The following MED29 variants were observed in gnomAD, a reference collection of about 807,000 sequenced individuals.
The protein encoded by MED29 is mediator complex subunit 29.
Under a neutral mutation model 22.0 loss-of-function variants are expected in MED29, and 14 were observed. That is an observed-to-expected ratio of 0.64 (90% CI 0.42 to 0.99). The LOEUF (loss-of-function observed/expected upper bound fraction) is 0.99, where lower values mean the gene tolerates loss of function less well. MED29 is among the 50% of genes least tolerant of loss of function. MED29 has a pLI of 0.00. For missense variants in MED29, 241 were observed against 253.7 expected, an observed-to-expected ratio of 0.95 and a Z score of 0.34; for synonymous variants, 123 against 107.8, an observed-to-expected ratio of 1.14 and a Z score of -0.87.
chr19:39,393,079 T>TTA (rs2078406406), intron 2 of MED29, among the ~76,000 whole-genome samples: 1 of 77,542 alleles, frequency 1.3e-5, no homozygotes, highest in South Asian at 4.4e-4. Flanking sequence ...TTTCTTTCTT[T>TTA]TCTTTTTTTT....
Position 39,400,524 on chromosome 19 carries a change from T to A in MED29, c.*2825T>A, listed in dbSNP as rs975192579. ...TGTAACATCTGCATATGGAGAATCG[T>A]GTTACTTTATTGAAAAACATTAAAA... On this transcript the variant is annotated 3_prime_UTR_variant, in exon 4 of 4. Transcript: ENST00000315588. 3.3e-5 allele frequency: 5 copies of A among 152,224 alleles called. No homozygotes were observed. The highest frequency in any genetic ancestry group is 9.6e-5 in the African/African-American group (4 of 41,452). 9.4% of individuals were successfully genotyped at this position (152,224 alleles called of 1,614,324 possible). A position where few individuals can be genotyped will look rare whatever the true frequency, so the allele number is the denominator to read the frequency against.
At chr19:39,392,331 G>A (rs2078390816) in intron 1 of MED29, 133 bp from the exon 2 acceptor site, 2 of 755,724 alleles carry the variant, frequency 2.6e-6, no homozygotes, top group African/African-American at 3.5e-5. Flanking sequence ...TATTACTTTG[G>A]AAAGTCAGGA....
In MED29 at chr19:39,398,564, C is replaced by T. The variant is rs2078443492; in HGVS notation, c.*865C>T. 1 of 152,702 alleles carries T rather than the reference C, an allele frequency of 6.5e-6. No homozygotes were observed. The allele number at this position is 152,702 out of a possible 1,614,324, so 9.5% of individuals were successfully genotyped here. A position where few individuals can be genotyped will look rare whatever the true frequency, so the allele number is the denominator to read the frequency against. ...GCCCCAGCCGGGGTGAATCATCAGTCCTGGGGAAGAACCCAGGCGCCTGAG... is the reference window on the plus strand; with the variant it reads ...GCCCCAGCCGGGGTGAATCATCAGTTCTGGGGAAGAACCCAGGCGCCTGAG... On this transcript the variant is annotated 3_prime_UTR_variant, in exon 4 of 4. Transcript: ENST00000315588.
intron 3 of MED29, 79 bp downstream of exon 3, chr19:39,393,716 C>A: frequency 8.1e-7 from 1 of 1,229,450 alleles, no homozygotes; most frequent in Non-Finnish European, 1.2e-6. Context: ...AGTCAGTCAA[C>A]TCACACTCAA....
rs1448904044 is a variant in MED29, at chr19:39,399,100, C to A, written c.*1401C>A. 2 of 152,340 alleles carry A rather than the reference C, an allele frequency of 1.3e-5. No individual in the cohort carries two copies. The highest frequency in any genetic ancestry group is 3.9e-4 in the East Asian group (2 of 5,192). The allele number at this position is 152,340 out of a possible 1,614,324, so 9.4% of individuals were successfully genotyped here. A position where few individuals can be genotyped will look rare whatever the true frequency, so the allele number is the denominator to read the frequency against. On this transcript the variant is annotated 3_prime_UTR_variant, in exon 4 of 4. Coordinates refer to ENST00000315588, the MANE Select transcript of MED29 (RefSeq NM_017592.4). ...TAATTGAATCAGTTTTTTACCCAAT[C>A]CCCCGATTTTGTAGGATAATCTCCC... is the stretch of plus-strand genomic sequence containing the variant.
chr19:39,397,440 T>C lies in MED29; in HGVS notation c.361-17T>C. 6.3e-7 allele frequency: 1 copy of C among 1,597,480 alleles called. No homozygotes were observed. Among genetic ancestry groups the C allele is most frequent in the Non-Finnish European group, 8.5e-7 (1 of 1,177,324 alleles). The stretch of plus-strand genomic sequence containing the variant: ...TCGGGTGGAGCTGATGCTGTCCCCT[T>C]GCCTGCCTGTCCACAGCGCCTGGCG... On this transcript the variant is annotated splice_polypyrimidine_tract_variant and intron_variant, in intron 3 of 3. Transcript: ENST00000315588.
rs909013913 is a variant in MED29, at chr19:39,400,030, G to A, written c.*2331G>A. Reference sequence around the variant, plus strand: ...GATGTTCTAGTGAGAGACAGTAAATGTGACAAAAGTAAAATATATCAGATG... The same window carrying A: ...GATGTTCTAGTGAGAGACAGTAAATATGACAAAAGTAAAATATATCAGATG... On this transcript the variant is annotated 3_prime_UTR_variant, in exon 4 of 4. Coordinates refer to ENST00000315588, the MANE Select transcript of MED29 (RefSeq NM_017592.4). The A allele has an allele frequency of 3.3e-5, 5 of 152,358 alleles. No individual in the cohort carries two copies. In the East Asian group the frequency reaches 7.7e-4, roughly 23 times the overall value. 9.4% of individuals were successfully genotyped at this position (152,358 alleles called of 1,614,324 possible).
In MED29 at chr19:39,391,466, C is replaced by T. The variant is rs1057292289; in HGVS notation, c.44C>T (p.Ala15Val). ...QQQASAASSA[A>V]GVSGPSSAGG... Reference sequence around the variant, plus strand: ...CAAGCTTCAGCGGCTTCCTCAGCTGCTGGTGTATCGGGTCCTAGTTCGGCT... The same window carrying T: ...CAAGCTTCAGCGGCTTCCTCAGCTGTTGGTGTATCGGGTCCTAGTTCGGCT... Residue 15 changes from alanine to valine, a missense_variant, in exon 1 of 4, where the codon GCT becomes GTT. By Grantham distance (64) the Ala-to-Val change is moderately conservative. Transcript: ENST00000315588. The T allele has an allele frequency of 3.1e-6, 5 of 1,613,472 alleles. No individual in the cohort carries two copies. In the Admixed American group the frequency reaches 5.0e-5, roughly 16 times the overall value.
chr19:39,392,787 G>A, intron 2 of MED29: 1 of 421,286 alleles, frequency 2.4e-6, no homozygotes, highest in Non-Finnish European at 4.2e-6. Flanking sequence ...ACAGACTACA[G>A]ATGCCTGGCT....
chr19:39,393,081 CTTTTTTTTTTTTTTTTT>C (rs142198224), intron 2 of MED29, among the ~76,000 whole-genome samples: 4 of 34,712 alleles, frequency 1.2e-4, no homozygotes, highest in Non-Finnish European at 2.2e-4. Flanking sequence ...TCTTTCTTTT[CTTTTTTTTTTTTTTTTT>C]TTTTTTTTTT....
chr19:39,394,930 G>A (rs1354507656), intron 3 of MED29, among the ~76,000 whole-genome samples: 3 of 148,092 alleles, frequency 2.0e-5, no homozygotes, highest in Non-Finnish European at 3.0e-5. Flanking sequence ...GCACAGTCTC[G>A]GCTCACTGCA....
rs1334611158 is a variant in MED29 at position 39,400,061 on chromosome 19, A to C, written c.*2362A>C. The C allele has an allele frequency of 6.6e-6, 1 of 152,234 alleles. No homozygotes were observed. The highest frequency in any genetic ancestry group is 2.4e-5 in the African/African-American group (1 of 41,454). 9.4% of individuals were successfully genotyped at this position (152,234 alleles called of 1,614,324 possible). Reference sequence around the variant, plus strand: ...AAAGTAAAATATATCAGATGGTGAGAAAACAGAAAAATGAGATCAGAAGTG... The same window carrying C: ...AAAGTAAAATATATCAGATGGTGAGCAAACAGAAAAATGAGATCAGAAGTG... On this transcript the variant is annotated 3_prime_UTR_variant, in exon 4 of 4. Coordinates refer to ENST00000315588, the MANE Select transcript of MED29 (RefSeq NM_017592.4).
Position 39,397,609 on chromosome 19 carries a change from C to G in MED29, c.513C>G (p.Ala171=). 6.2e-7 allele frequency: 1 copy of G among 1,613,842 alleles called. No homozygotes were observed. The highest frequency in any genetic ancestry group is 8.5e-7 in the Non-Finnish European group (1 of 1,180,024). ...LAVIKAQISC[A]KDIHTALLDC... is the part of the protein sequence containing the mutation. ...TCATCAAAGCCCAGATTTCCTGTGC[C>G]AAGGACATTCACACCGCCCTGCTGG... is the stretch of plus-strand genomic sequence containing the variant. The change falls in exon 4 of 4, where the codon GCC becomes GCG. Residue 171 remains alanine, a synonymous_variant. Coordinates refer to ENST00000315588, the MANE Select transcript of MED29 (RefSeq NM_017592.4).
At chr19:39,392,572 G>T in intron 2 of MED29, 50 bp downstream of exon 2, 1 of 1,467,568 alleles carries the variant, frequency 6.8e-7, no homozygotes. Flanking sequence ...CCCAGTCTTT[G>T]AAATTCATCT....
rs1389299774 is a variant in MED29 at position 39,397,630 on chromosome 19, G to C, written c.534G>C (p.Leu178=). 6.2e-7 allele frequency: 1 copy of C among 1,613,294 alleles called. No homozygotes were observed. The highest frequency in any genetic ancestry group is 1.3e-5 in the African/African-American group (1 of 74,940). The change falls in exon 4 of 4, where the codon CTG becomes CTC. Residue 178 remains leucine (L), a synonymous_variant. Transcript: ENST00000315588. ...GTGCCAAGGACATTCACACCGCCCT[G>C]CTGGACTGTGCCAACAAGGTCACGG... is the stretch of plus-strand genomic sequence containing the variant. ...ISCAKDIHTA[L]LDCANKVTGK... is the part of the protein sequence containing the mutation.
In MED29 at chr19:39,398,453, G is replaced by A. The variant is rs1447512378; in HGVS notation, c.*754G>A. The A allele has an allele frequency of 6.5e-6, 1 of 152,778 alleles. No homozygotes were observed. The highest frequency in any genetic ancestry group is 3.2e-3 in the Middle Eastern group (1 of 316). The allele number at this position is 152,778 out of a possible 1,614,324, so 9.5% of individuals were successfully genotyped here. Reference sequence around the variant, plus strand: ...AAGCCTGCGTCAGCGGAACTTGAGTGAGGGGCGTTGTGCAATTTGTGGCAA... The same window carrying A: ...AAGCCTGCGTCAGCGGAACTTGAGTAAGGGGCGTTGTGCAATTTGTGGCAA... On this transcript the variant is annotated 3_prime_UTR_variant, in exon 4 of 4. Transcript: ENST00000315588.
At position 39,399,130 on chromosome 19, in the gene MED29, C is replaced by G. The variant is rs1345585144; in HGVS notation, c.*1431C>G. On this transcript the variant is annotated 3_prime_UTR_variant, in exon 4 of 4. Transcript: ENST00000315588. ...GATTTTGTAGGATAATCTCCCTTAT[C>G]TAAAGTCAACTGATTATGGACTTTA... 6.6e-6 allele frequency: 1 copy of G among 152,246 alleles called. No individual in the cohort carries two copies. The allele number at this position is 152,246 out of a possible 1,614,324, so 9.4% of individuals were successfully genotyped here. A position where few individuals can be genotyped will look rare whatever the true frequency, so the allele number is the denominator to read the frequency against.
chr19:39,393,547 C>G lies in MED29; in HGVS notation c.276-6C>G. The G allele has an allele frequency of 6.2e-7, 1 of 1,612,980 alleles. No individual in the cohort carries two copies. On this transcript the variant is annotated splice_region_variant and splice_polypyrimidine_tract_variant and intron_variant, in intron 2 of 3. Transcript: ENST00000315588. Reference sequence around the variant, plus strand: ...TCTTCAGACATCCTTTTTTCCTTGTCTGTAGAAAGAGCAGTGATGGACCCA... The same window carrying G: ...TCTTCAGACATCCTTTTTTCCTTGTGTGTAGAAAGAGCAGTGATGGACCCA...
At position 39,397,755 on chromosome 19, in the gene MED29, T is replaced by A; in HGVS notation, c.*56T>A. ...GTTGGTGGGTGGTGTGCAAAGGGAA[T>A]GAAGAGCGTCCTGGGCCTAAACACA... On this transcript the variant is annotated 3_prime_UTR_variant, in exon 4 of 4. Coordinates refer to ENST00000315588, the MANE Select transcript of MED29 (RefSeq NM_017592.4). 1 of 1,578,342 alleles carries A rather than the reference T, an allele frequency of 6.3e-7. No homozygotes were observed. The highest frequency in any genetic ancestry group is 1.1e-5 in the South Asian group (1 of 89,042).
Sources: gnomAD v4.1 joint callset for allele counts (sites outside exome capture counted in the v4.1 genomes callset) on GRCh38, gnomAD v4.1.1 for gene constraint, MANE v1.5 for transcripts, NCBI Gene and HGNC (gene_info 2026-07-23, HGNC 2026-07-21) for gene names.